SPAG9: variants seen among roughly 807,000 people sequenced by gnomAD.
SPAG9 encodes the protein sperm associated antigen 9.
A neutral mutation model predicts 166.5 loss-of-function variants in SPAG9; 35 were observed. The ratio of observed to expected loss-of-function variants is 0.21; its 90% CI spans 0.16 to 0.28. The LOEUF (loss-of-function observed/expected upper bound fraction) is 0.28, where lower values mean the gene tolerates loss of function less well. Among genes scored for constraint, SPAG9 ranks in the 10% least tolerant of loss-of-function variants. SPAG9 has a pLI of 1.00. For missense variants in SPAG9, 1,235 were observed against 1,603.3 expected (o/e 0.77, Z 3.92); for synonymous variants, 534 against 565.5 (o/e 0.94, Z 0.79).
chr17:51,027,174 G>A (rs913221763), intron 6 of SPAG9, among the ~76,000 whole-genome samples: 14 of 152,122 alleles, frequency 9.2e-5, no homozygotes, highest in Admixed American at 3.9e-4. Context: ...GCTCATGTGT[G>A]TAATCACAGC....
Position 51,047,409 on chromosome 17 carries a change from C to T in SPAG9, c.556G>A (p.Asp186Asn). ...RTKLHQLSGS[D>N]QLESTAHSRI... The stretch of plus-strand genomic sequence containing the variant: ...CTATGAGCTGTGGATTCTAGTTGAT[C>T]ACTCCCTGAGAGCTGATGAAGTTTT... The change falls in exon 4 of 30, where the codon GAT becomes AAT. Residue 186 changes from aspartate (D) to asparagine (N), a missense_variant. Around this residue, in one of 6 missense-constraint regions of SPAG9, gnomAD observed 288 missense variants for 323.7 expected, o/e 0.89. Transcript: ENST00000262013. The T allele has an allele frequency of 6.3e-7, 1 of 1,593,878 alleles. No homozygotes were observed. Among genetic ancestry groups the T allele is most frequent in the Non-Finnish European group, 8.6e-7 (1 of 1,168,668 alleles).
rs2047365315 is a variant in SPAG9, at chr17:51,056,467, T to G, written c.440A>C (p.Glu147Ala). 1 of 1,603,118 alleles carries G rather than the reference T, an allele frequency of 6.2e-7. No individual in the cohort carries two copies. The highest frequency in any genetic ancestry group is 1.1e-5 in the South Asian group (1 of 90,822). ...TTCCTTCTTCAGTTCTGCTTCTCTT[T>G]CTTCAAGTCTGCTAACTGAAATTAA... ...NYADQISRLE[E>A]REAELKKEYN... Residue 147 changes from glutamate to alanine, a missense_variant, in exon 3 of 30, where the codon GAA becomes GCA. Physicochemically the swap from Glu to Ala is moderately radical, Grantham distance 107 (BLOSUM62 -1). This residue lies in a region of SPAG9 where 288 missense variants were observed against 323.7 expected (regional missense o/e 0.89). Coordinates refer to ENST00000262013, the MANE Select transcript of SPAG9 (RefSeq NM_001130528.3).
At chr17:51,058,971 A>C (rs2047432071) in intron 2 of SPAG9, among the ~76,000 whole-genome samples, 2 of 152,206 alleles carry the variant, frequency 1.3e-5, no homozygotes, top group Non-Finnish European at 2.9e-5. Context: ...ATTTAAAACA[A>C]TGTTCAAAGA....
rs201890062 is a variant in SPAG9 at position 51,086,504 on chromosome 17, T to A, written c.304-6800A>T. Among the ~76,000 whole-genome samples, 7 of 150,238 alleles carry A rather than the reference T, an allele frequency of 4.7e-5. No individual in the cohort carries two copies. The East Asian group carries it at 5.9e-4, about 13-fold the overall frequency. ...GAAAACACGATAAAAAAAAAAAAAA[T>A]TAGCCAGGCATGGTGGCATGCACCT... On this transcript the variant is annotated intron_variant, in intron 1 of 29. Coordinates refer to ENST00000262013, the MANE Select transcript of SPAG9 (RefSeq NM_001130528.3).
chr17:51,064,361 C>T (rs1160404842), intron 2 of SPAG9, among the ~76,000 whole-genome samples: 1 of 152,150 alleles, frequency 6.6e-6, no homozygotes, highest in Non-Finnish European at 1.5e-5. Context: ...AATATCTTCC[C>T]AAAGTGGTTG....
At position 50,985,010 on chromosome 17, in the gene SPAG9, G is replaced by A. The variant is rs756362550; in HGVS notation, c.3021-20C>T. The stretch of plus-strand genomic sequence containing the variant: ...ACGTGTCTGCAAACAGGAAAGGGGA[G>A]TTCAGAACTCTCCATTCAGGAATAC... On this transcript the variant is annotated intron_variant, in intron 23 of 29. Transcript: ENST00000262013. 6.2e-7 allele frequency: 1 copy of A among 1,611,172 alleles called. No individual in the cohort carries two copies. Among genetic ancestry groups the A allele is most frequent in the Non-Finnish European group, 8.5e-7 (1 of 1,177,346 alleles).
chr17:51,104,437 G>C (rs534902148), intron 1 of SPAG9, among the ~76,000 whole-genome samples: 2 of 152,138 alleles, frequency 1.3e-5, no homozygotes, highest in East Asian at 1.9e-4. Flanking sequence ...GCGAGATCAA[G>C]ACCAGTCTGA....
At chr17:51,025,655 T>C (rs8069594) in intron 6 of SPAG9, among the ~76,000 whole-genome samples, 36,830 of 151,874 alleles carry the variant, frequency 0.24, 5,339 homozygotes, top group Admixed American at 0.34. Flanking sequence ...CTTTGAGAGG[T>C]TGAGGTGGGC....
rs1973951271 is a variant in SPAG9 at position 50,973,162 on chromosome 17, T to C, written c.3700+1609A>G. On this transcript the variant is annotated intron_variant, in intron 28 of 29. Coordinates refer to ENST00000262013, the MANE Select transcript of SPAG9 (RefSeq NM_001130528.3). ...GAAGCAAGTTGTAGAAGCATACATATAAAACACAACATTTAACATGTAAAG... is the reference window on the plus strand; with the variant it reads ...GAAGCAAGTTGTAGAAGCATACATACAAAACACAACATTTAACATGTAAAG... 3.3e-5 allele frequency among the ~76,000 whole-genome samples: 5 copies of C among 152,298 alleles called. No homozygotes were observed. The South Asian group carries it at 1.0e-3, about 32-fold the overall frequency.
chr17:51,120,558 G>T lies in SPAG9; in HGVS notation c.99C>A (p.Arg33=). ...AGCGCCCGATAAGCCGCTCGAACTCGCGGTAGATGGAGCCGGCCAGGCCGG... is the reference window on the plus strand; with the variant it reads ...AGCGCCCGATAAGCCGCTCGAACTCTCGGTAGATGGAGCCGGCCAGGCCGG... ...RVSGLAGSIY[R]EFERLIGRYD... Residue 33 remains arginine, a synonymous_variant, in exon 1 of 30, where the codon CGC becomes CGA. Transcript: ENST00000262013. This position sits in a 1 kb window ranked among gnomAD's most constrained non-coding sequence, Gnocchi z 4.7. 1 of 1,613,738 alleles carries T rather than the reference G, an allele frequency of 6.2e-7. No individual in the cohort carries two copies. The highest frequency in any genetic ancestry group is 1.1e-5 in the South Asian group (1 of 91,048).
At chr17:50,977,763 A>G (rs1309053120) in intron 26 of SPAG9, among the ~76,000 whole-genome samples, 1 of 152,154 alleles carries the variant, frequency 6.6e-6, no homozygotes, top group Admixed American at 6.5e-5. Flanking sequence ...ACATGCCTGT[A>G]GTCCCAGCTA....
intron 2 of SPAG9, among the ~76,000 whole-genome samples, chr17:51,071,656 C>T (rs1325179115): frequency 6.6e-6 from 1 of 152,178 alleles, no homozygotes; most frequent in African/African-American, 2.4e-5. Flanking sequence ...ATGATAGATT[C>T]CATACTATCA....
intron 5 of SPAG9, among the ~76,000 whole-genome samples, chr17:51,034,450 G>A (rs920059756): frequency 2.6e-5 from 4 of 152,132 alleles, no homozygotes; most frequent in African/African-American, 7.2e-5. Context: ...TGCCAATAAG[G>A]AAGAAAGCAT....
chr17:50,964,824 C>A lies in SPAG9; in HGVS notation c.*1448G>T. On this transcript the variant is annotated 3_prime_UTR_variant, in exon 30 of 30. Transcript: ENST00000262013. ...CTGGAGTGCAGTGGTGCTATCAAGG[C>A]TCACTGCAACCTCCACCTCCTGGGC... The A allele has an allele frequency of 2.7e-6, 1 of 366,632 alleles. No individual in the cohort carries two copies. Among genetic ancestry groups the A allele is most frequent in the Non-Finnish European group, 5.6e-6 (1 of 177,636 alleles). The allele number at this position is 366,632 out of a possible 1,614,324, so 22.7% of individuals were successfully genotyped here.
At chr17:51,102,856 A>C (rs1054275956) in intron 1 of SPAG9, among the ~76,000 whole-genome samples, 4 of 152,138 alleles carry the variant, frequency 2.6e-5, no homozygotes, top group Non-Finnish European at 4.4e-5. Flanking sequence ...TATGTTGCCC[A>C]GCTGGCCTTG....
intron 3 of SPAG9, among the ~76,000 whole-genome samples, chr17:51,053,856 T>A (rs1458313353): frequency 0.071 from 1,094 of 15,364 alleles, 62 homozygotes; most frequent in Middle Eastern, 0.12. Context: ...AAAAAAAAAG[T>A]ATATATATAT....
rs924209184 is a variant in SPAG9 at position 51,073,327 on chromosome 17, C to CA, written c.424+6256dup. 8.8e-3 allele frequency among the ~76,000 whole-genome samples: 1,256 copies of CA among 143,430 alleles called. 10 individuals carry two copies. The highest frequency in any genetic ancestry group is 0.029 in the African/African-American group (1,131 of 39,074). 94.1% of individuals were successfully genotyped at this position (143,430 alleles called of 152,430 possible). On this transcript the variant is annotated intron_variant, in intron 2 of 29. Coordinates refer to ENST00000262013, the MANE Select transcript of SPAG9 (RefSeq NM_001130528.3). The stretch of plus-strand genomic sequence containing the variant: ...TGGGCAACAGAGCAAGACTCCGTCT[C>CA]AAAAAAAAAACAATTAGCCACGTGT...
chr17:51,104,156 G>T (rs538536806), intron 1 of SPAG9, among the ~76,000 whole-genome samples: 32 of 152,152 alleles, frequency 2.1e-4, no homozygotes, highest in Non-Finnish European at 3.8e-4. Flanking sequence ...TGGGAAATAA[G>T]TTCAGTTTTG....
At chr17:50,983,432 TTTG>T (rs1367310172) in intron 24 of SPAG9, among the ~76,000 whole-genome samples, 1 of 152,230 alleles carries the variant, frequency 6.6e-6, no homozygotes, top group Non-Finnish European at 1.5e-5. Flanking sequence ...CTAACTCTGT[TTTG>T]TTGATGTCCA....
Sources: allele counts gnomAD v4.1 joint callset (sites outside exome capture counted in the v4.1 genomes callset), GRCh38; gene constraint gnomAD v4.1.1; regional missense constraint gnomAD v4.1.1; non-coding constraint Gnocchi (gnomAD v3.1); transcripts MANE v1.5; gene names NCBI Gene and HGNC (gene_info 2026-07-23, HGNC 2026-07-21).